The following PHACTR3 variants were observed in gnomAD, a reference collection of about 807,000 sequenced individuals.
The protein encoded by PHACTR3 is protein phosphatase 1, regulatory subunit 123.
PHACTR3 carries 16 observed loss-of-function variants against 66.8 expected under a neutral mutation model. That is an observed-to-expected ratio of 0.24 (90% CI 0.16 to 0.36). The LOEUF is 0.36. Ranked by LOEUF, PHACTR3 falls within the 10% of genes least tolerant of loss-of-function variation. The probability of loss-of-function intolerance (pLI) is 1.00; values close to 1 mark genes in which losing one functional copy is unlikely to be tolerated. For missense variants in PHACTR3, 647 were observed against 719.9 expected, an observed-to-expected ratio of 0.90 and a Z score of 1.16; for synonymous variants, 323 against 292.1, an observed-to-expected ratio of 1.11 and a Z score of -1.08.
chr20:59,691,684 C>G (rs1192297334), intron 1 of PHACTR3, among the ~76,000 whole-genome samples: 1 of 151,906 alleles, frequency 6.6e-6, no homozygotes, highest in Non-Finnish European at 1.5e-5. Context: ...TTTTAAATAT[C>G]TGATAACTTT....
chr20:59,612,968 C>T (rs2033906427), intron 1 of PHACTR3, among the ~76,000 whole-genome samples: 1 of 151,962 alleles, frequency 6.6e-6, no homozygotes, highest in Non-Finnish European at 1.5e-5. Context: ...AGGTGCCAGG[C>T]TTTTTTAAAC....
chr20:59,791,911 C>T (rs373375904), intron 7 of PHACTR3, among the ~76,000 whole-genome samples: 1 of 152,148 alleles, frequency 6.6e-6, no homozygotes. Context: ...CCCATTGGGG[C>T]TGTTTTATGC....
chr20:59,728,200 T>C (rs2038633384), intron 1 of PHACTR3, among the ~76,000 whole-genome samples: 1 of 152,060 alleles, frequency 6.6e-6, no homozygotes, highest in Admixed American at 6.5e-5. Context: ...CAGCCACCAC[T>C]CTGCCTTGTT....
intron 11 of PHACTR3, chr20:59,844,807 T>C (rs2059122261): frequency 1.3e-5 from 2 of 158,864 alleles, no homozygotes; most frequent in South Asian, 3.7e-4. Flanking sequence ...TTGTGTATAT[T>C]TCAAAACAGC....
At chr20:59,770,391 C>T (rs571537929) in intron 5 of PHACTR3, among the ~76,000 whole-genome samples, 29 of 152,344 alleles carry the variant, frequency 1.9e-4, no homozygotes, top group Non-Finnish European at 3.5e-4. Flanking sequence ...TGTGCTTCAG[C>T]ATGTGAACAC....
At chr20:59,818,243 C>G (rs775728058) in intron 8 of PHACTR3, among the ~76,000 whole-genome samples, 1 of 152,160 alleles carries the variant, frequency 6.6e-6, no homozygotes, top group East Asian at 1.9e-4. Context: ...TCCTGACATG[C>G]GCCTTACTTT....
intron 6 of PHACTR3, among the ~76,000 whole-genome samples, chr20:59,773,678 A>G (rs845772): frequency 0.98 from 148,547 of 152,346 alleles, 72,451 homozygotes; most frequent in East Asian, 1. Flanking sequence ...AATGTGCACT[A>G]TGGGAACCTG....
intron 1 of PHACTR3, among the ~76,000 whole-genome samples, chr20:59,613,978 G>T (rs777450814): frequency 6.6e-6 from 1 of 152,218 alleles, no homozygotes; most frequent in African/African-American, 2.4e-5. Flanking sequence ...GTTATAAAAG[G>T]AGCCATCATA....
chr20:59,632,947 G>C (rs1353129145), intron 1 of PHACTR3, among the ~76,000 whole-genome samples: 1 of 152,120 alleles, frequency 6.6e-6, no homozygotes, highest in African/African-American at 2.4e-5. Flanking sequence ...GTGGTTGCCG[G>C]GTGCTGAGAA....
chr20:59,782,110 C>T (rs1460917616), intron 7 of PHACTR3, among the ~76,000 whole-genome samples: 1 of 152,158 alleles, frequency 6.6e-6, no homozygotes, highest in East Asian at 1.9e-4. Flanking sequence ...TCACCATAAA[C>T]TCAACAACGC....
intron 1 of PHACTR3, among the ~76,000 whole-genome samples, chr20:59,590,864 C>A (rs1600873365): frequency 6.6e-6 from 1 of 152,140 alleles, no homozygotes; most frequent in African/African-American, 2.4e-5. Context: ...CCTGGACCCT[C>A]TTTTATAAGG....
chr20:59,732,465 A>G (rs1048114633), intron 1 of PHACTR3, among the ~76,000 whole-genome samples: 10 of 152,148 alleles, frequency 6.6e-5, no homozygotes, highest in African/African-American at 2.2e-4. Context: ...AAAATTAAGT[A>G]TTTATTCAAT....
intron 1 of PHACTR3, among the ~76,000 whole-genome samples, chr20:59,689,837 C>T (rs956280039): frequency 1.3e-5 from 2 of 152,156 alleles, no homozygotes; most frequent in Admixed American, 6.5e-5. Flanking sequence ...CTCCAGCCTT[C>T]AGCACCTCTC....
At chr20:59,728,878 T>A (rs1305344176) in intron 1 of PHACTR3, among the ~76,000 whole-genome samples, 1 of 125,364 alleles carries the variant, frequency 8.0e-6, no homozygotes, top group Non-Finnish European at 1.7e-5. Context: ...AATTTTGGGT[T>A]GGGTGGGAGG....
chr20:59,826,322 T>A (rs930462425), intron 8 of PHACTR3, among the ~76,000 whole-genome samples: 1 of 152,170 alleles, frequency 6.6e-6, no homozygotes, highest in Non-Finnish European at 1.5e-5. Flanking sequence ...TGAGCACAGA[T>A]CTTCGCTGAG....
intron 7 of PHACTR3, among the ~76,000 whole-genome samples, chr20:59,778,838 T>C (rs35834350): frequency 0.076 from 11,640 of 152,214 alleles, 1,007 homozygotes; most frequent in East Asian, 0.41. Context: ...TCTTGTTATT[T>C]GTTCTCGAAA....
chr20:59,641,001 C>A (rs2035080389), intron 1 of PHACTR3, among the ~76,000 whole-genome samples: 1 of 151,950 alleles, frequency 6.6e-6, no homozygotes, highest in Non-Finnish European at 1.5e-5. Flanking sequence ...AATATAGATA[C>A]ATAGATATAT....
intron 1 of PHACTR3, among the ~76,000 whole-genome samples, chr20:59,664,784 C>T (rs937100811): frequency 1.3e-5 from 2 of 152,232 alleles, no homozygotes; most frequent in Non-Finnish European, 2.9e-5. Context: ...AGGCACCATA[C>T]GTCTTCTGCC....
chr20:59,821,863 G>A (rs1395412849), intron 8 of PHACTR3, among the ~76,000 whole-genome samples: 2 of 100,642 alleles, frequency 2.0e-5, no homozygotes, highest in Non-Finnish European at 2.9e-5. Context: ...GGCCAGGGAG[G>A]TGAGCAGCTG....
Sources: gnomAD v4.1 joint callset for allele counts (sites outside exome capture counted in the v4.1 genomes callset) on GRCh38, gnomAD v4.1.1 for gene constraint, MANE v1.5 for transcripts, NCBI Gene and HGNC (gene_info 2026-07-23, HGNC 2026-07-21) for gene names.